The following OPCML variants were observed in gnomAD, a reference collection of about 807,000 sequenced individuals.
OPCML encodes opioid binding protein/cell adhesion molecule like, also known as opioid-binding protein/cell adhesion molecule.
In OPCML, 13 loss-of-function variants were observed where a neutral mutation model predicts 37.8. The ratio of observed to expected loss-of-function variants is 0.34; its 90% CI spans 0.22 to 0.55. OPCML has a LOEUF of 0.55. OPCML is among the 20% of genes least tolerant of loss of function. OPCML has a pLI of 0.91. For missense variants in OPCML, 341 were observed against 435.6 expected (o/e 0.78, Z 1.93); for synonymous variants, 176 against 168.8 (o/e 1.04, Z -0.33).
At chr11:132,844,087 CTTT>C (rs1941415699) in intron 2 of OPCML, among the ~76,000 whole-genome samples, 2 of 152,194 alleles carry the variant, frequency 1.3e-5, no homozygotes, top group African/African-American at 4.8e-5. Context: ...CACAAGCTCT[CTTT>C]TTGCCTGCTG....
intron 1 of OPCML, among the ~76,000 whole-genome samples, chr11:133,040,779 G>A (rs866186424): frequency 1.3e-5 from 2 of 152,090 alleles, no homozygotes; most frequent in South Asian, 2.1e-4. Flanking sequence ...AAGTGCTCTC[G>A]CATTAATATG....
rs901216367 is a variant in OPCML, at chr11:133,443,366, G to A, written c.61+88898C>T. Among the ~76,000 whole-genome samples, 8 of 152,332 alleles carry A rather than the reference G, an allele frequency of 5.3e-5. No homozygotes were observed. The South Asian group carries it at 1.0e-3, about 20-fold the overall frequency. On this transcript the variant is annotated intron_variant, in intron 1 of 7. Coordinates refer to ENST00000524381, the MANE Select transcript of OPCML (RefSeq NM_001012393.5). The stretch of plus-strand genomic sequence containing the variant: ...AGATCTGCTGGCGATTCAGCCTGGA[G>A]CTTTCAGATTCCTTCTCATTTTACC...
At chr11:133,011,073 G>T (rs141907233) in intron 1 of OPCML, among the ~76,000 whole-genome samples, 25 of 152,182 alleles carry the variant, frequency 1.6e-4, no homozygotes, top group African/African-American at 5.8e-4. Context: ...AGCAAGCCCG[G>T]CAAGAGTTCT....
At chr11:133,089,568 C>T (rs1948872869) in intron 1 of OPCML, among the ~76,000 whole-genome samples, 1 of 152,208 alleles carries the variant, frequency 6.6e-6, no homozygotes. Flanking sequence ...AAGGTCCCCA[C>T]TCTCTAAGGG....
intron 1 of OPCML, among the ~76,000 whole-genome samples, chr11:132,996,548 G>T (rs1591892641): frequency 6.6e-6 from 1 of 150,802 alleles, no homozygotes; most frequent in African/African-American, 2.4e-5. Context: ...GGATGCAGAA[G>T]GCAGAGGTTG....
chr11:132,756,786 C>CT (rs1165114015), intron 2 of OPCML, among the ~76,000 whole-genome samples: 2 of 151,960 alleles, frequency 1.3e-5, no homozygotes, highest in Admixed American at 6.6e-5. Context: ...TTTTCTTTTT[C>CT]TTTTTTTATT....
intron 2 of OPCML, among the ~76,000 whole-genome samples, chr11:132,935,389 G>A (rs990747518): frequency 3.3e-5 from 5 of 151,862 alleles, no homozygotes; most frequent in Non-Finnish European, 7.4e-5. Context: ...ATTCTTCATT[G>A]CTGGTGTATA....
At chr11:132,773,499 T>G (rs1946713055) in intron 2 of OPCML, 1 of 152,186 alleles carries the variant, frequency 6.6e-6, no homozygotes, top group Admixed American at 6.6e-5. Flanking sequence ...CTCTTCTGTC[T>G]CTGCAGGTTC....
intron 3 of OPCML, among the ~76,000 whole-genome samples, chr11:132,597,746 G>T (rs1044059860): frequency 2.6e-5 from 4 of 152,142 alleles, no homozygotes; most frequent in African/African-American, 9.7e-5. Flanking sequence ...CACAGCTGCA[G>T]AATTTTTAAA....
chr11:132,754,468 A>T (rs2136078096), intron 2 of OPCML, among the ~76,000 whole-genome samples: 1 of 152,220 alleles, frequency 6.6e-6, no homozygotes. Flanking sequence ...TTCCACCATG[A>T]TTGTGAGGCT....
chr11:132,684,182 T>C (rs1022706312), intron 2 of OPCML, among the ~76,000 whole-genome samples: 14 of 152,338 alleles, frequency 9.2e-5, no homozygotes, highest in African/African-American at 3.4e-4. Flanking sequence ...TTTATAATGC[T>C]TAATACCAAT....
At chr11:132,968,926 T>C (rs1042090301) in intron 1 of OPCML, among the ~76,000 whole-genome samples, 2 of 152,216 alleles carry the variant, frequency 1.3e-5, no homozygotes, top group African/African-American at 4.8e-5. Flanking sequence ...AGAGAGGACA[T>C]CCTTGCCTTG....
At chr11:133,227,543 T>C (rs1294699277) in intron 1 of OPCML, among the ~76,000 whole-genome samples, 2 of 152,140 alleles carry the variant, frequency 1.3e-5, no homozygotes, top group Non-Finnish European at 2.9e-5. Flanking sequence ...TGCTGAGCTC[T>C]TTAATACCGA....
At position 132,688,899 on chromosome 11, in the gene OPCML, G is replaced by A. The variant is rs1251532402; in HGVS notation, c.147-31580C>T. On this transcript the variant is annotated intron_variant, in intron 2 of 7. Transcript: ENST00000524381. ...CGGGAAGCGGAGCTTGCAGTGAGCCGAGATTGCGCCACTGCAGTCCGCAGT... is the reference window on the plus strand; with the variant it reads ...CGGGAAGCGGAGCTTGCAGTGAGCCAAGATTGCGCCACTGCAGTCCGCAGT... Among the ~76,000 whole-genome samples the A allele has an allele frequency of 6.4e-5, 2 of 31,338 alleles. 1 individual carries two copies. The highest frequency in any genetic ancestry group is 1.2e-4 in the Non-Finnish European group (2 of 16,724). The allele number at this position is 31,338 out of a possible 152,430, so 20.6% of individuals were successfully genotyped here. A position where few individuals can be genotyped will look rare whatever the true frequency, so the allele number is the denominator to read the frequency against.
intron 4 of OPCML, among the ~76,000 whole-genome samples, chr11:132,500,688 A>G (rs954848845): frequency 1.3e-5 from 2 of 151,844 alleles, no homozygotes; most frequent in African/African-American, 4.8e-5. Context: ...ATTTGTCCTA[A>G]TGCTCTCTCT....
chr11:132,596,763 T>C (rs1196859276), intron 3 of OPCML, among the ~76,000 whole-genome samples: 2 of 152,220 alleles, frequency 1.3e-5, no homozygotes, highest in Non-Finnish European at 2.9e-5. Flanking sequence ...CCAAAGTATG[T>C]AAAAATGACC....
At chr11:133,434,463 A>G (rs12787054) in intron 1 of OPCML, among the ~76,000 whole-genome samples, 21,661 of 152,062 alleles carry the variant, frequency 0.14, 1,730 homozygotes, top group African/African-American at 0.21. Context: ...TTAGCACTTC[A>G]ACTATTTACA....
chr11:132,513,048 C>T (rs2096272242), intron 4 of OPCML, among the ~76,000 whole-genome samples: 1 of 152,120 alleles, frequency 6.6e-6, no homozygotes, highest in African/African-American at 2.4e-5. Flanking sequence ...TCATGATTCA[C>T]TCTTCATGTA....
chr11:132,949,707 G>A (rs1163716063), intron 1 of OPCML, among the ~76,000 whole-genome samples: 2 of 152,182 alleles, frequency 1.3e-5, no homozygotes, highest in East Asian at 1.9e-4. Context: ...TACTAATTCT[G>A]TAAATATGTA....
Sources: allele counts gnomAD v4.1 joint callset (sites outside exome capture counted in the v4.1 genomes callset), GRCh38; gene constraint gnomAD v4.1.1; transcripts MANE v1.5; gene names NCBI Gene and HGNC (gene_info 2026-07-23, HGNC 2026-07-21).